SETD5: variants seen among roughly 807,000 people sequenced by gnomAD.
SETD5 encodes the protein SET domain containing 5.
SETD5 carries 44 observed loss-of-function variants against 153.3 expected under a neutral mutation model. The ratio of observed to expected loss-of-function variants is 0.29; its 90% CI spans 0.23 to 0.37. The LOEUF is 0.37. Among genes scored for constraint, SETD5 ranks in the 10% least tolerant of loss-of-function variants. The pLI, the probability that SETD5 is intolerant of heterozygous loss-of-function variation, is 1.00. For synonymous variants in SETD5, 716 were observed against 645.2 expected, an observed-to-expected ratio of 1.11 and a Z score of -1.66; for missense variants, 1,544 against 1,768.0, an observed-to-expected ratio of 0.87 and a Z score of 2.27.
rs369459846 is a variant in SETD5 at position 9,445,675 on chromosome 3, G to T, written c.1459G>T (p.Glu487Ter). The stretch of plus-strand genomic sequence containing the variant: ...CTTAAAGGAAGTAGACAATCCAGAA[G>T]AAAAACCAGAAGAAGAGAAAGAAGA... ...SDHEEVDNPE[E>*]KPEEEKEEVI... Residue 487 changes from glutamate to a stop codon, truncating the protein, a stop_gained, in exon 13 of 23, where the codon GAA becomes TAA. Coordinates refer to ENST00000402198, the MANE Select transcript of SETD5 (RefSeq NM_001080517.3). LOFTEE classifies it high-confidence loss of function. The T allele has an allele frequency of 6.2e-7, 1 of 1,613,560 alleles. No individual in the cohort carries two copies. Among genetic ancestry groups the T allele is most frequent in the South Asian group, 1.1e-5 (1 of 91,038 alleles).
chr3:9,429,900 A>G, intron 3 of SETD5: 1 of 1,303,848 alleles, frequency 7.7e-7, no homozygotes, highest in Non-Finnish European at 1.0e-6. Context: ...AGCGAAAGAG[A>G]CCCAAGGGGC....
intron 1 of SETD5, among the ~76,000 whole-genome samples, chr3:9,408,768 T>C (rs1318444823): frequency 6.6e-6 from 1 of 152,148 alleles, no homozygotes; most frequent in Non-Finnish European, 1.5e-5. Flanking sequence ...AGATCAAACT[T>C]TGTGGTCTTA....
Position 9,464,814 on chromosome 3 carries a change from A to G in SETD5, c.2724+142A>G, listed in dbSNP as rs2044368376. ...TAAGAGAATGGGAAACCTCAGGGTCATTGTGGCCTGTTACCTGGTAGCCTC... is the reference window on the plus strand; with the variant it reads ...TAAGAGAATGGGAAACCTCAGGGTCGTTGTGGCCTGTTACCTGGTAGCCTC... On this transcript the variant is annotated intron_variant, in intron 18 of 22. Coordinates refer to ENST00000402198, the MANE Select transcript of SETD5 (RefSeq NM_001080517.3). 8 of 1,362,148 alleles carry G rather than the reference A, an allele frequency of 5.9e-6. No homozygotes were observed. In the South Asian group the frequency reaches 1.0e-4, roughly 18 times the overall value. The allele number at this position is 1,362,148 out of a possible 1,614,324, so 84.4% of individuals were successfully genotyped here. A position where few individuals can be genotyped will look rare whatever the true frequency, so the allele number is the denominator to read the frequency against.
At chr3:9,415,659 C>T (rs1439915233) in intron 1 of SETD5, among the ~76,000 whole-genome samples, 1 of 152,122 alleles carries the variant, frequency 6.6e-6, no homozygotes, top group Non-Finnish European at 1.5e-5. Flanking sequence ...TAGCTCACTG[C>T]AGTCTCAACT....
At chr3:9,446,972 A>G (rs2042094984) in intron 13 of SETD5, 78 bp from the exon 14 acceptor site, 2 of 1,039,854 alleles carry the variant, frequency 1.9e-6, no homozygotes, top group Admixed American at 3.1e-5. Flanking sequence ...GTAAATTTCC[A>G]TTAAAAATAC....
rs755015491 is a variant in SETD5, at chr3:9,475,061, C to T, written c.3632-7C>T. On this transcript the variant is annotated splice_region_variant and splice_polypyrimidine_tract_variant and intron_variant, in intron 21 of 22. Coordinates refer to ENST00000402198, the MANE Select transcript of SETD5 (RefSeq NM_001080517.3). ...GTTGATTTTTTTTTATATATGTTACCTTCCAGACCCTGCAGATGGAGAAGG... is the reference window on the plus strand; with the variant it reads ...GTTGATTTTTTTTTATATATGTTACTTTCCAGACCCTGCAGATGGAGAAGG... The T allele has an allele frequency of 1.9e-6, 3 of 1,572,268 alleles. No individual in the cohort carries two copies. Among genetic ancestry groups the T allele is most frequent in the Non-Finnish European group, 8.6e-7 (1 of 1,158,984 alleles).
intron 17 of SETD5, among the ~76,000 whole-genome samples, chr3:9,456,732 T>TG: frequency 6.6e-6 from 1 of 152,256 alleles, no homozygotes; most frequent in East Asian, 1.9e-4. Context: ...CCCAGCACTT[T>TG]GGGAGGCTGA....
intron 7 of SETD5, among the ~76,000 whole-genome samples, chr3:9,440,075 G>C (rs2041082674): frequency 6.6e-6 from 1 of 152,176 alleles, no homozygotes; most frequent in South Asian, 2.1e-4. Flanking sequence ...TGATAAATTT[G>C]AGGTCTCTAC....
chr3:9,418,039 C>T (rs1488870644), intron 1 of SETD5, among the ~76,000 whole-genome samples: 1 of 149,752 alleles, frequency 6.7e-6, no homozygotes, highest in African/African-American at 2.5e-5. Flanking sequence ...CTCCCGGGTT[C>T]ACGCCATTCT....
chr3:9,431,828 C>A (rs1412663733), intron 3 of SETD5: 1 of 628,350 alleles, frequency 1.6e-6, no homozygotes, highest in Non-Finnish European at 2.0e-6. Flanking sequence ...TTCCTGTCCC[C>A]CTCCCACCAA....
At chr3:9,463,021 C>A (rs61337449) in intron 17 of SETD5, among the ~76,000 whole-genome samples, 4,331 of 149,344 alleles carry the variant, frequency 0.029, 203 homozygotes, top group African/African-American at 0.1. Context: ...TTTGTTGTGT[C>A]GTTTTGTTTT....
intron 18 of SETD5, 115 bp downstream of exon 18, chr3:9,464,787 A>C (rs1460583904): frequency 3.3e-6 from 5 of 1,526,046 alleles, no homozygotes; most frequent in Non-Finnish European, 4.5e-6. Flanking sequence ...TCCCCATCTC[A>C]GTAAGAGAAT....
intron 11 of SETD5, 80 bp downstream of exon 11, chr3:9,443,497 T>C (rs577694634): frequency 5.4e-6 from 4 of 743,062 alleles, no homozygotes; most frequent in Non-Finnish European, 7.6e-6. Flanking sequence ...AAGTCTGCTC[T>C]TGTTTCTTGC....
At chr3:9,433,205 A>G (rs576159225) in intron 3 of SETD5, among the ~76,000 whole-genome samples, 2 of 152,328 alleles carry the variant, frequency 1.3e-5, no homozygotes, top group African/African-American at 4.8e-5. Flanking sequence ...TTGAAGTTCT[A>G]TGGTATTATC....
intron 8 of SETD5, 114 bp from the exon 9 acceptor site, chr3:9,441,479 A>C (rs2041288852): frequency 6.1e-6 from 6 of 988,218 alleles, no homozygotes; most frequent in Middle Eastern, 2.3e-4. Context: ...TCTAAATAAC[A>C]TGTACAGATA....
intron 3 of SETD5, among the ~76,000 whole-genome samples, chr3:9,432,519 A>G (rs1182091441): frequency 6.6e-6 from 1 of 152,198 alleles, no homozygotes; most frequent in East Asian, 1.9e-4. Context: ...TCTAAGTTAG[A>G]GTTATACCAA....
At chr3:9,409,231 C>A (rs544613654) in intron 1 of SETD5, among the ~76,000 whole-genome samples, 33 of 152,144 alleles carry the variant, frequency 2.2e-4, no homozygotes, top group Non-Finnish European at 1.0e-4. Flanking sequence ...TATTTTCTTA[C>A]TTCTTCATTT....
chr3:9,418,138 C>T (rs1266126193), intron 1 of SETD5, among the ~76,000 whole-genome samples: 3 of 151,132 alleles, frequency 2.0e-5, no homozygotes, highest in Non-Finnish European at 3.0e-5. Context: ...TTAGTAGAGA[C>T]GGAGTTTCAC....
intron 13 of SETD5, among the ~76,000 whole-genome samples, chr3:9,446,120 T>C (rs2041958913): frequency 6.6e-6 from 1 of 151,542 alleles, no homozygotes; most frequent in East Asian, 1.9e-4. Context: ...ACCTTGTCTC[T>C]ACTAAAAATA....
Sources: allele counts gnomAD v4.1 joint callset (sites outside exome capture counted in the v4.1 genomes callset), GRCh38; gene constraint gnomAD v4.1.1; transcripts MANE v1.5; gene names NCBI Gene and HGNC (gene_info 2026-07-23, HGNC 2026-07-21).